EIF2D: variants seen among roughly 807,000 people sequenced by gnomAD.
The protein encoded by EIF2D is hepatocellular carcinoma-associated antigen 56.
In EIF2D, 56 loss-of-function variants were observed where a neutral mutation model predicts 77.4. The ratio of observed to expected loss-of-function variants is 0.72; its 90% CI spans 0.58 to 0.90. EIF2D has a LOEUF of 0.90. Among genes scored for constraint, EIF2D ranks in the 40% least tolerant of loss-of-function variants. The pLI, the probability that EIF2D is intolerant of heterozygous loss-of-function variation, is 0.00. For missense variants in EIF2D, 574 were observed against 706.5 expected, an observed-to-expected ratio of 0.81 and a Z score of 2.13; for synonymous variants, 230 against 271.0, an observed-to-expected ratio of 0.85 and a Z score of 1.49.
chr1:206,584,570 A>G lies in EIF2D; in HGVS notation c.139-3408T>C. ...CCTAGATGCCATCAAGCAGCTGCAC[A>G]TCAGCAGCACCACCACCGTCAGTGA... is the stretch of plus-strand genomic sequence containing the variant. On this transcript the variant is annotated intron_variant and NMD_transcript_variant, in intron 2 of 5. Coordinates refer to the EIF2D transcript ENST00000472709. The surrounding 1 kb of genome is among the most constrained non-coding windows in gnomAD (Gnocchi z 4.9). 1 of 1,614,226 alleles carries G rather than the reference A, an allele frequency of 6.2e-7. No homozygotes were observed. The highest frequency in any genetic ancestry group is 8.5e-7 in the Non-Finnish European group (1 of 1,180,030).
chr1:206,570,615 C>T (rs2103551719), downstream of EIF2D, among the ~76,000 whole-genome samples: 1 of 136,640 alleles, frequency 7.3e-6, no homozygotes, highest in Middle Eastern at 3.8e-3. Flanking sequence ...ATTAATTTGA[C>T]TATTCTAGGA....
At chr1:206,604,261 G>A (rs6658357) in intron 5 of EIF2D, among the ~76,000 whole-genome samples, 28,253 of 151,618 alleles carry the variant, frequency 0.19, 2,735 homozygotes, top group East Asian at 0.3. Flanking sequence ...TGGCCAACAC[G>A]GTGAAACCCT....
chr1:206,592,523 G>A lies in EIF2D; in HGVS notation c.1685-678C>T, dbSNP rs903439956. 1.3e-5 allele frequency among the ~76,000 whole-genome samples: 2 copies of A among 152,232 alleles called. No individual in the cohort carries two copies. The highest frequency in any genetic ancestry group is 2.9e-5 in the Non-Finnish European group (2 of 68,042). On this transcript the variant is annotated intron_variant, in intron 14 of 14. Transcript: ENST00000271764. This position sits in a 1 kb window ranked among gnomAD's most constrained non-coding sequence, Gnocchi z 4.7. The stretch of plus-strand genomic sequence containing the variant: ...GAAGCACATGTGGGTGAACATGCAA[G>A]GAGAATCTGGAGAACTGCAAGGAGA...
chr1:206,588,585 TAGCTTCAG>T (rs765938897), downstream of EIF2D: 1 of 152,404 alleles, frequency 6.6e-6, no homozygotes, highest in Non-Finnish European at 1.5e-5. Context: ...CTTGTTCGTG[TAGCTTCAG>T]AAGTTCCCTC....
At chr1:206,600,657 T>G in intron 7 of EIF2D, 2 of 184,084 alleles carry the variant, frequency 1.1e-5, no homozygotes, top group Non-Finnish European at 1.1e-5. Flanking sequence ...AAACTGAAAA[T>G]AGCGACATGT....
intron 5 of EIF2D, chr1:206,572,495 A>T (rs1668484117): frequency 6.6e-6 from 1 of 152,182 alleles, no homozygotes; most frequent in South Asian, 2.1e-4. Context: ...GGGTAACCAA[A>T]TGCACTGGTT....
In EIF2D at chr1:206,584,022, C is replaced by T. The variant is rs925956536; in HGVS notation, c.139-2860G>A. 1.3e-5 allele frequency among the ~76,000 whole-genome samples: 2 copies of T among 152,174 alleles called. No individual in the cohort carries two copies. The stretch of plus-strand genomic sequence containing the variant: ...TTCTCCAAGGCCCTCATTATAGAGC[C>T]TTCCTGCTTCCTGCCTGGTTCAGAG... On this transcript the variant is annotated intron_variant and NMD_transcript_variant, in intron 2 of 5. Coordinates refer to the EIF2D transcript ENST00000472709. The surrounding 1 kb of genome is among the most constrained non-coding windows in gnomAD (Gnocchi z 4.9).
intron 2 of EIF2D, among the ~76,000 whole-genome samples, chr1:206,583,928 T>C (rs1668994488): frequency 1.3e-5 from 2 of 152,148 alleles, no homozygotes; most frequent in Admixed American, 1.3e-4. Context: ...CAGTCACAAA[T>C]GCACCTAGGT....
Position 206,599,608 on chromosome 1 carries a change from T to A in EIF2D, c.1057A>T (p.Thr353Ser), listed in dbSNP as rs782160113. The change falls in exon 10 of 15, where the codon ACA becomes TCA. Residue 353 changes from threonine to serine, a missense_variant. Coordinates refer to ENST00000271764, the MANE Select transcript of EIF2D (RefSeq NM_006893.3). The surrounding 1 kb of genome is among the most constrained non-coding windows in gnomAD (Gnocchi z 4.1). ...GAGGGCTCGGGTATGACGAAAGATG[T>A]AATCCTAAAACCCAGCAGAAGGAAA... is the stretch of plus-strand genomic sequence containing the variant. ...VAVDWKHPRI[T>S]SFVIPEPSPT... 1.3e-6 allele frequency: 2 copies of A among 1,598,622 alleles called. No individual in the cohort carries two copies. The highest frequency in any genetic ancestry group is 1.7e-6 in the Non-Finnish European group (2 of 1,172,566).
Position 206,599,238 on chromosome 1 carries a change from A to G in EIF2D, c.1203-146T>C. On this transcript the variant is annotated intron_variant, in intron 10 of 14. Coordinates refer to ENST00000271764, the MANE Select transcript of EIF2D (RefSeq NM_006893.3). This position sits in a 1 kb window ranked among gnomAD's most constrained non-coding sequence, Gnocchi z 4.1. ...TTCCCTTTTCCTGACTGAAGTGAGC[A>G]TGACCATGTGAAGAATAATTACACG... 1 of 887,842 alleles carries G rather than the reference A, an allele frequency of 1.1e-6. No individual in the cohort carries two copies. The highest frequency in any genetic ancestry group is 1.7e-6 in the Non-Finnish European group (1 of 575,968). 55.0% of individuals were successfully genotyped at this position (887,842 alleles called of 1,614,324 possible). A position where few individuals can be genotyped will look rare whatever the true frequency, so the allele number is the denominator to read the frequency against.
intron 5 of EIF2D, among the ~76,000 whole-genome samples, chr1:206,604,009 C>T (rs959477911): frequency 1.3e-5 from 2 of 152,188 alleles, no homozygotes; most frequent in Non-Finnish European, 2.9e-5. Context: ...CTTAGACAAC[C>T]TGACCTTGAT....
intron 2 of EIF2D, chr1:206,583,757 G>A (rs1317565359): frequency 4.2e-6 from 1 of 239,846 alleles, no homozygotes; most frequent in African/African-American, 2.3e-5. Context: ...TTGTGAGAGA[G>A]GGACATACTC....
At chr1:206,608,404 C>G in intron 3 of EIF2D, 78 bp from the exon 4 acceptor site, 2 of 1,202,834 alleles carry the variant, frequency 1.7e-6, no homozygotes, top group South Asian at 3.0e-5. Flanking sequence ...TTTCCTCACT[C>G]GCTCAACAAA....
downstream of EIF2D, among the ~76,000 whole-genome samples, chr1:206,570,097 T>G (rs1261803541): frequency 1.3e-5 from 1 of 75,348 alleles, no homozygotes; most frequent in Non-Finnish European, 2.9e-5. Context: ...TTTTTTTTTT[T>G]TTTTTTTCCC....
rs1001533951 is a variant in EIF2D at position 206,607,432 on chromosome 1, A to G, written c.422+804T>C. On this transcript the variant is annotated intron_variant, in intron 4 of 14. Transcript: ENST00000271764. ...GTAAGGGAGGCTTTTAATTTTTCAG[A>G]GCTGTTCATACAATTACTTCTTATT... Among the ~76,000 whole-genome samples, 11 of 152,288 alleles carry G rather than the reference A, an allele frequency of 7.2e-5. 1 individual carries two copies. Among genetic ancestry groups the G allele is most frequent in the South Asian group, 6.2e-4 (3 of 4,826 alleles).
intron 5 of EIF2D, among the ~76,000 whole-genome samples, chr1:206,571,817 G>A (rs1039322274): frequency 1.3e-5 from 2 of 152,148 alleles, no homozygotes; most frequent in Non-Finnish European, 2.9e-5. Flanking sequence ...AGGGGACAGG[G>A]ACCTAGCTGG....
intron 4 of EIF2D, among the ~76,000 whole-genome samples, 156 bp from the exon 5 acceptor site, chr1:206,605,663 C>G (rs1670172349): frequency 6.6e-6 from 1 of 152,200 alleles, no homozygotes; most frequent in African/African-American, 2.4e-5. Flanking sequence ...CAGTTTTCTT[C>G]AGATTATGTA....
At chr1:206,611,705 T>C (rs1364073159) in intron 1 of EIF2D, among the ~76,000 whole-genome samples, 1 of 152,230 alleles carries the variant, frequency 6.6e-6, no homozygotes, top group Admixed American at 6.5e-5. Context: ...TTCTCATACA[T>C]GCTTCGCAAA....
At chr1:206,603,276 A>C in intron 5 of EIF2D, 72 bp from the exon 6 acceptor site, 1 of 1,562,796 alleles carries the variant, frequency 6.4e-7, no homozygotes, top group Non-Finnish European at 8.7e-7. Flanking sequence ...CAGAGGAGTC[A>C]GCAGTGAGGT....
Sources: allele counts gnomAD v4.1 joint callset (sites outside exome capture counted in the v4.1 genomes callset), GRCh38; gene constraint gnomAD v4.1.1; non-coding constraint Gnocchi (gnomAD v3.1); transcripts MANE v1.5; gene names NCBI Gene and HGNC (gene_info 2026-07-23, HGNC 2026-07-21).